Variants in GARRE1 observed in about 807,000 individuals in gnomAD.
The protein encoded by GARRE1 is granule associated Rac and RHOG effector protein 1.
In GARRE1, 49 loss-of-function variants were observed where a neutral mutation model predicts 103.2. The observed-to-expected ratio is 0.47, with a 90% CI of 0.38 to 0.60. GARRE1 has a LOEUF of 0.60. GARRE1 is among the 20% of genes least tolerant of loss of function. The pLI, the probability that GARRE1 is intolerant of heterozygous loss-of-function variation, is 0.00. For missense variants in GARRE1, 1,199 were observed against 1,370.5 expected (o/e 0.87, Z 1.98); for synonymous variants, 505 against 532.8 (o/e 0.95, Z 0.72).
chr19:34,275,850 T>C (rs2073814137), intron 1 of GARRE1, among the ~76,000 whole-genome samples: 1 of 152,254 alleles, frequency 6.6e-6, no homozygotes, highest in African/African-American at 2.4e-5. Flanking sequence ...GAGCAGTATA[T>C]GAGGATTCCA....
intron 1 of GARRE1, among the ~76,000 whole-genome samples, chr19:34,271,909 T>C (rs1292967503): frequency 6.6e-6 from 1 of 152,122 alleles, no homozygotes; most frequent in East Asian, 1.9e-4. Flanking sequence ...ATAGAAGGCA[T>C]TCTGTCAGCT....
chr19:34,325,600 A>C (rs577779934), intron 3 of GARRE1, among the ~76,000 whole-genome samples: 19 of 152,204 alleles, frequency 1.2e-4, no homozygotes, highest in African/African-American at 4.3e-4. Flanking sequence ...CTTCATCGCT[A>C]CCCTTGTTCA....
At chr19:34,314,999 A>G (rs1176718712) in intron 2 of GARRE1, among the ~76,000 whole-genome samples, 1 of 152,236 alleles carries the variant, frequency 6.6e-6, no homozygotes, top group Non-Finnish European at 1.5e-5. Flanking sequence ...CTAATGTAAC[A>G]TTTAAGGTAT....
intron 1 of GARRE1, among the ~76,000 whole-genome samples, chr19:34,278,404 A>G (rs1274749160): frequency 7.0e-6 from 1 of 143,370 alleles, no homozygotes; most frequent in Non-Finnish European, 1.5e-5. Flanking sequence ...AAATTGTGCC[A>G]CTAGTACTCC....
In GARRE1 at chr19:34,300,557, G is replaced by A. The variant is rs1197025511; in HGVS notation, c.84G>A (p.Gln28=). ...LLGGSKQKVQ[Q]HQQYPMPELG... ...GCGGGTCCAAGCAGAAGGTGCAGCA[G>A]CACCAGCAATACCCGATGCCTGAGC... Residue 28 remains glutamine, a synonymous_variant, in exon 2 of 14, where the codon CAG becomes CAA. Transcript: ENST00000299505. The A allele has an allele frequency of 1.2e-6, 2 of 1,613,588 alleles. No homozygotes were observed. Among genetic ancestry groups the A allele is most frequent in the East Asian group, 4.5e-5 (2 of 44,884 alleles).
chr19:34,343,459 G>C (rs7254168), intron 10 of GARRE1, among the ~76,000 whole-genome samples: 1 of 151,850 alleles, frequency 6.6e-6, no homozygotes, highest in Non-Finnish European at 1.5e-5. Context: ...CTTTAAGACA[G>C]TACCATCTAA....
intron 12 of GARRE1, among the ~76,000 whole-genome samples, chr19:34,350,582 CTCTT>C (rs1195996911): frequency 2.0e-5 from 3 of 152,100 alleles, no homozygotes; most frequent in Non-Finnish European, 2.9e-5. Flanking sequence ...CAGTATCTCT[CTCTT>C]TTTTTGTTTT....
At chr19:34,297,347 GTA>G in intron 1 of GARRE1, among the ~76,000 whole-genome samples, 1 of 152,158 alleles carries the variant, frequency 6.6e-6, no homozygotes, top group Non-Finnish European at 1.5e-5. Context: ...TGGTGAAATA[GTA>G]TAACTTTAAG....
intron 1 of GARRE1, among the ~76,000 whole-genome samples, chr19:34,288,605 A>G (rs1193491442): frequency 6.6e-6 from 1 of 152,244 alleles, no homozygotes; most frequent in Admixed American, 6.5e-5. Flanking sequence ...TGGAATTGGT[A>G]CCACGCAACC....
chr19:34,270,006 T>C (rs1173907180), intron 1 of GARRE1, among the ~76,000 whole-genome samples: 1 of 152,236 alleles, frequency 6.6e-6, no homozygotes, highest in African/African-American at 2.4e-5. Flanking sequence ...CCTCTGGCCT[T>C]GCTCTCCATG....
chr19:34,330,450 A>C (rs2074132213), intron 7 of GARRE1, 103 bp downstream of exon 7: 1 of 1,225,506 alleles, frequency 8.2e-7, no homozygotes, highest in Non-Finnish European at 1.1e-6. Context: ...ATAATTTAAA[A>C]AGTTATTTGG....
chr19:34,333,844 A>G (rs1033888846), intron 8 of GARRE1, 43 bp downstream of exon 8: 4 of 1,101,790 alleles, frequency 3.6e-6, no homozygotes, highest in Non-Finnish European at 5.6e-6. Flanking sequence ...GCTCTGACTG[A>G]CGTTTGCACA....
At chr19:34,324,079 G>A (rs2074101258) in intron 3 of GARRE1, among the ~76,000 whole-genome samples, 2 of 152,072 alleles carry the variant, frequency 1.3e-5, no homozygotes, top group African/African-American at 2.4e-5. Context: ...GGCTTGCCCC[G>A]TGCTGGCCTT....
chr19:34,340,062 T>C, intron 9 of GARRE1, 70 bp downstream of exon 9: 1 of 1,502,998 alleles, frequency 6.7e-7, no homozygotes, highest in Non-Finnish European at 9.2e-7. Flanking sequence ...TCATGTGTGC[T>C]TGTGTCATTG....
intron 1 of GARRE1, among the ~76,000 whole-genome samples, chr19:34,280,932 G>GTTT (rs35804155): frequency 7.2e-6 from 1 of 139,588 alleles, no homozygotes; most frequent in South Asian, 2.3e-4. Context: ...ATTCCAGTAG[G>GTTT]TTTTTTTTTT....
At chr19:34,265,926 G>T (rs888753184) in intron 1 of GARRE1, among the ~76,000 whole-genome samples, 1 of 152,228 alleles carries the variant, frequency 6.6e-6, no homozygotes, top group African/African-American at 2.4e-5. Context: ...TTCACATCTA[G>T]ATCAGTCTGA....
intron 2 of GARRE1, among the ~76,000 whole-genome samples, chr19:34,316,097 G>A (rs2074059233): frequency 6.6e-6 from 1 of 152,104 alleles, no homozygotes; most frequent in Non-Finnish European, 1.5e-5. Flanking sequence ...AAACAGACCT[G>A]GTGTCAGATC....
chr19:34,259,448 A>T (rs1215532381), intron 1 of GARRE1, among the ~76,000 whole-genome samples: 1 of 152,252 alleles, frequency 6.6e-6, no homozygotes, highest in East Asian at 1.9e-4. Flanking sequence ...CCTACAGTAC[A>T]GCCCAGTTAC....
intron 1 of GARRE1, among the ~76,000 whole-genome samples, chr19:34,287,672 G>C (rs2073895142): frequency 6.6e-6 from 1 of 152,146 alleles, no homozygotes; most frequent in Non-Finnish European, 1.5e-5. Flanking sequence ...ATTTCTCACA[G>C]TTCCAAAGTC....
Sources: allele counts gnomAD v4.1 joint callset (sites outside exome capture counted in the v4.1 genomes callset), GRCh38; gene constraint gnomAD v4.1.1; transcripts MANE v1.5; gene names NCBI Gene and HGNC (gene_info 2026-07-23, HGNC 2026-07-21).